MTHFD1L: variants seen among roughly 807,000 people sequenced by gnomAD.
The protein encoded by MTHFD1L is monofunctional C1-tetrahydrofolate synthase, mitochondrial.
Under a neutral mutation model 119.5 loss-of-function variants are expected in MTHFD1L, and 81 were observed. That is an observed-to-expected ratio of 0.68 (90% confidence interval 0.57 to 0.82). The LOEUF (loss-of-function observed/expected upper bound fraction) is 0.82. MTHFD1L is among the 40% of genes least tolerant of loss of function. MTHFD1L has a pLI of 0.00. For missense variants in MTHFD1L, 1,125 were observed against 1,253.4 expected (o/e 0.90, Z 1.55); for synonymous variants, 430 against 475.2 (o/e 0.90, Z 1.24).
chr6:150,905,367 G>A (rs1785737389), intron 7 of MTHFD1L, among the ~76,000 whole-genome samples: 1 of 152,042 alleles, frequency 6.6e-6, no homozygotes, highest in Non-Finnish European at 1.5e-5. Context: ...AGTTAGTGGT[G>A]AAAACATGTA....
At chr6:150,991,554 T>A (rs34317680) in intron 20 of MTHFD1L, among the ~76,000 whole-genome samples, 1 of 152,182 alleles carries the variant, frequency 6.6e-6, no homozygotes, top group African/African-American at 2.4e-5. Flanking sequence ...GTATTACTTT[T>A]GTAGTAGTTT....
chr6:150,972,141 C>A (rs9478878), intron 20 of MTHFD1L, 83 bp downstream of exon 20: 239,712 of 1,186,778 alleles, frequency 0.2, 25,527 homozygotes, highest in Middle Eastern at 0.25. Context: ...TGATATCCAT[C>A]CTGACATGAA....
chr6:151,075,736 A>G (rs1792430979), intron 26 of MTHFD1L, among the ~76,000 whole-genome samples: 1 of 152,230 alleles, frequency 6.6e-6, no homozygotes, highest in South Asian at 2.1e-4. Context: ...ATAAATTTGT[A>G]AGGGCTCAAA....
intron 1 of MTHFD1L, among the ~76,000 whole-genome samples, chr6:150,869,398 A>G (rs1295871114): frequency 6.6e-6 from 1 of 151,314 alleles, no homozygotes; most frequent in Non-Finnish European, 1.5e-5. Context: ...TTATTGTTCA[A>G]CTCCCACTTA....
intron 20 of MTHFD1L, among the ~76,000 whole-genome samples, chr6:151,008,251 A>G (rs1327638485): frequency 6.6e-6 from 1 of 152,244 alleles, no homozygotes; most frequent in Non-Finnish European, 1.5e-5. Context: ...AGTTTGTAGC[A>G]CAGCAAGGAA....
At chr6:150,921,038 A>G (rs894823592) in intron 9 of MTHFD1L, among the ~76,000 whole-genome samples, 3 of 138,516 alleles carry the variant, frequency 2.2e-5, no homozygotes, top group South Asian at 4.4e-4. Context: ...TGCAACCTCC[A>G]TCTCCCGGGC....
At position 151,022,871 on chromosome 6, in the gene MTHFD1L, T is replaced by TA. The variant is rs1374421776; in HGVS notation, c.2586+7180dup. On this transcript the variant is annotated intron_variant, in intron 24 of 27. Coordinates refer to ENST00000367321, the MANE Select transcript of MTHFD1L (RefSeq NM_015440.5). ...CATGCTCTTTAATATTCTGCTTTCTTAATTATGGTTGAGCTGCCTTTAAAC... is the reference window on the plus strand; with the variant it reads ...CATGCTCTTTAATATTCTGCTTTCTTAAATTATGGTTGAGCTGCCTTTAAAC... Among the ~76,000 whole-genome samples, 198 of 152,286 alleles carry TA rather than the reference T, an allele frequency of 1.3e-3. 1 individual carries two copies. The highest frequency in any genetic ancestry group is 3.5e-4 in the Non-Finnish European group (24 of 68,024).
At chr6:151,063,936 A>T (rs543856499) in intron 26 of MTHFD1L, among the ~76,000 whole-genome samples, 53 of 151,670 alleles carry the variant, frequency 3.5e-4, no homozygotes, top group African/African-American at 1.1e-3. Flanking sequence ...GCAGGAAGTT[A>T]TGAGCATTTC....
chr6:150,954,044 A>G (rs1386765804), intron 16 of MTHFD1L, among the ~76,000 whole-genome samples: 1 of 152,170 alleles, frequency 6.6e-6, no homozygotes, highest in Non-Finnish European at 1.5e-5. Context: ...TCTGAGAGAG[A>G]GGGAGCTTGT....
chr6:151,045,266 A>G (rs1380133681), intron 26 of MTHFD1L, among the ~76,000 whole-genome samples: 1 of 152,104 alleles, frequency 6.6e-6, no homozygotes, highest in Non-Finnish European at 1.5e-5. Flanking sequence ...GCCAAGCTGC[A>G]CTTGGAGATG....
rs754683781 is a variant in MTHFD1L, at chr6:151,051,176, A to G, written c.2847+14059A>G. 8.9e-4 allele frequency among the ~76,000 whole-genome samples: 135 copies of G among 152,048 alleles called. 1 individual carries two copies. Among genetic ancestry groups the G allele is most frequent in the Non-Finnish European group, 3.2e-4 (22 of 68,012 alleles). Reference sequence around the variant, plus strand: ...AGCTCCTTATGAATAGAGCAAAATCACCCCTATCAGAAATTTCAAGAGTTT... The same window carrying G: ...AGCTCCTTATGAATAGAGCAAAATCGCCCCTATCAGAAATTTCAAGAGTTT... On this transcript the variant is annotated intron_variant, in intron 26 of 27. Coordinates refer to ENST00000367321, the MANE Select transcript of MTHFD1L (RefSeq NM_015440.5).
intron 10 of MTHFD1L, among the ~76,000 whole-genome samples, chr6:150,925,835 C>T (rs899160587): frequency 6.6e-6 from 1 of 152,086 alleles, no homozygotes; most frequent in Non-Finnish European, 1.5e-5. Flanking sequence ...GGGTTTTGGA[C>T]ACATTATAAT....
At chr6:151,010,168 G>A (rs1318795713) in intron 21 of MTHFD1L, among the ~76,000 whole-genome samples, 2 of 151,978 alleles carry the variant, frequency 1.3e-5, no homozygotes, top group South Asian at 4.1e-4. Flanking sequence ...ACCACCATAG[G>A]GCACTTTGAG....
intron 8 of MTHFD1L, among the ~76,000 whole-genome samples, chr6:150,911,802 A>G (rs1472467763): frequency 6.6e-6 from 1 of 152,182 alleles, no homozygotes; most frequent in Non-Finnish European, 1.5e-5. Flanking sequence ...GGCAGCAGCA[A>G]GAGAAAATCA....
intron 13 of MTHFD1L, among the ~76,000 whole-genome samples, chr6:150,943,164 C>T (rs1793419137): frequency 6.6e-6 from 1 of 152,010 alleles, no homozygotes; most frequent in South Asian, 2.1e-4. Flanking sequence ...GCCTATAGTC[C>T]CAGCTACTTG....
At chr6:151,026,439 CT>C (rs1784610636) in intron 24 of MTHFD1L, among the ~76,000 whole-genome samples, 1 of 152,176 alleles carries the variant, frequency 6.6e-6, no homozygotes. Context: ...ATTTCCAGTG[CT>C]TTTAATAGCC....
At chr6:150,979,295 G>A (rs1228710054) in intron 20 of MTHFD1L, among the ~76,000 whole-genome samples, 1 of 152,166 alleles carries the variant, frequency 6.6e-6, no homozygotes, top group African/African-American at 2.4e-5. Flanking sequence ...ACAGTTACAG[G>A]AAGTACCAAT....
At chr6:150,969,262 G>T (rs189711129) in intron 19 of MTHFD1L, among the ~76,000 whole-genome samples, 3,037 of 152,296 alleles carry the variant, frequency 0.02, 109 homozygotes, top group African/African-American at 0.069. Context: ...GATTATAGGT[G>T]TGAGCCACCG....
intron 20 of MTHFD1L, among the ~76,000 whole-genome samples, chr6:150,995,993 A>G (rs992666505): frequency 5.9e-5 from 9 of 152,146 alleles, no homozygotes; most frequent in Admixed American, 4.6e-4. Context: ...AATTTGATAA[A>G]CAGAAGTTAT....
Sources: gnomAD v4.1 joint callset for allele counts (sites outside exome capture counted in the v4.1 genomes callset) on GRCh38, gnomAD v4.1.1 for gene constraint, MANE v1.5 for transcripts, NCBI Gene and HGNC (gene_info 2026-07-23, HGNC 2026-07-21) for gene names.